Variants in GHR observed in about 807,000 individuals in gnomAD.
GHR encodes the protein GH receptor.
In GHR, 35 loss-of-function variants were observed where a neutral mutation model predicts 67.1. The ratio of observed to expected loss-of-function variants is 0.52; its 90% CI spans 0.40 to 0.69. The LOEUF (loss-of-function observed/expected upper bound fraction) is 0.69. Among genes scored for constraint, GHR ranks in the 30% least tolerant of loss-of-function variants. The probability of loss-of-function intolerance (pLI) is 0.00; values close to 1 mark genes in which losing one functional copy is unlikely to be tolerated. For synonymous variants in GHR, 272 were observed against 269.1 expected (o/e 1.01, Z -0.10); for missense variants, 792 against 764.6 (o/e 1.04, Z -0.42).
At chr5:42,462,510 G>A (rs1056717890) in intron 1 of GHR, among the ~76,000 whole-genome samples, 1 of 152,154 alleles carries the variant, frequency 6.6e-6, no homozygotes, top group African/African-American at 2.4e-5. Flanking sequence ...GTCATAATAT[G>A]TAAATGAACT....
At chr5:42,663,179 G>A (rs1755747591) in intron 3 of GHR, among the ~76,000 whole-genome samples, 1 of 152,158 alleles carries the variant, frequency 6.6e-6, no homozygotes. Flanking sequence ...GGAGGAACTG[G>A]TACCATTCCT....
intron 3 of GHR, among the ~76,000 whole-genome samples, chr5:42,676,085 G>A (rs146463094): frequency 1.3e-5 from 2 of 152,176 alleles, no homozygotes; most frequent in Non-Finnish European, 2.9e-5. Context: ...AGGAGATCGA[G>A]ACCCTCCTGG....
chr5:42,467,008 C>T, intron 1 of GHR: 2 of 1,561,432 alleles, frequency 1.3e-6, no homozygotes, highest in East Asian at 2.3e-5. Flanking sequence ...CACCGTGAGG[C>T]TCAACCTCTG....
intron 1 of GHR, among the ~76,000 whole-genome samples, chr5:42,452,513 T>C (rs148098850): frequency 6.6e-6 from 1 of 152,224 alleles, no homozygotes; most frequent in Non-Finnish European, 1.5e-5. Context: ...TAGATTTCAC[T>C]TCTTCCTCAG....
At chr5:42,621,865 G>T (rs182912641) in intron 2 of GHR, among the ~76,000 whole-genome samples, 1 of 152,314 alleles carries the variant, frequency 6.6e-6, no homozygotes, top group Non-Finnish European at 1.5e-5. Context: ...TGGAGATGTG[G>T]GGAGGTAATA....
At chr5:42,565,970 C>T (rs749321748) in intron 2 of GHR, 26 bp downstream of exon 2, 1 of 1,613,526 alleles carries the variant, frequency 6.2e-7, no homozygotes, top group South Asian at 1.1e-5. Flanking sequence ...CCATTTCCAC[C>T]CTCAGTGTTT....
intron 1 of GHR, among the ~76,000 whole-genome samples, chr5:42,555,690 C>A (rs1434951173): frequency 1.3e-5 from 2 of 152,116 alleles, no homozygotes; most frequent in Non-Finnish European, 2.9e-5. Flanking sequence ...AGGTACCTGG[C>A]ACACTTATTT....
chr5:42,513,773 A>C (rs1342385151), intron 1 of GHR, among the ~76,000 whole-genome samples: 3 of 150,968 alleles, frequency 2.0e-5, no homozygotes. Flanking sequence ...CAAAAGCAAA[A>C]CTCCGTCTCA....
At chr5:42,656,602 C>T (rs1025612789) in intron 3 of GHR, among the ~76,000 whole-genome samples, 8 of 152,198 alleles carry the variant, frequency 5.3e-5, no homozygotes, top group Admixed American at 1.3e-4. Flanking sequence ...CCCTACCTGG[C>T]GAGGAATCAG....
chr5:42,679,052 G>T (rs1477953277), intron 3 of GHR, among the ~76,000 whole-genome samples: 1 of 143,244 alleles, frequency 7.0e-6, no homozygotes, highest in Admixed American at 7.1e-5. Context: ...TTAACAATAT[G>T]TAAACAATAT....
chr5:42,592,645 T>G (rs1751846840), intron 2 of GHR, among the ~76,000 whole-genome samples: 1 of 152,232 alleles, frequency 6.6e-6, no homozygotes, highest in African/African-American at 2.4e-5. Flanking sequence ...TATCACATTT[T>G]CTTTATCCAG....
chr5:42,537,458 G>T (rs1489536286), intron 1 of GHR, among the ~76,000 whole-genome samples: 5 of 152,110 alleles, frequency 3.3e-5, no homozygotes, highest in Admixed American at 3.3e-4. Flanking sequence ...CTATGTATTT[G>T]CATGGTTTTG....
At chr5:42,659,863 G>A (rs923881987) in intron 3 of GHR, among the ~76,000 whole-genome samples, 2 of 152,122 alleles carry the variant, frequency 1.3e-5, no homozygotes, top group Non-Finnish European at 2.9e-5. Context: ...GTCAAAGAAA[G>A]GGGTGACAGA....
At chr5:42,453,757 G>A (rs889248131) in intron 1 of GHR, among the ~76,000 whole-genome samples, 2 of 152,182 alleles carry the variant, frequency 1.3e-5, no homozygotes, top group Non-Finnish European at 2.9e-5. Flanking sequence ...GTGTATCCAT[G>A]TGTGTTCCTG....
At chr5:42,618,663 A>G (rs58233460) in intron 2 of GHR, among the ~76,000 whole-genome samples, 4,220 of 152,274 alleles carry the variant, frequency 0.028, 156 homozygotes, top group African/African-American at 0.084. Flanking sequence ...TTCACAGGCA[A>G]TCGTAATCAG....
chr5:42,699,811 T>A lies in GHR; in HGVS notation c.440-13T>A. 1 of 1,583,278 alleles carries A rather than the reference T, an allele frequency of 6.3e-7. No individual in the cohort carries two copies. The highest frequency in any genetic ancestry group is 1.7e-5 in the Admixed American group (1 of 59,918). ...TGTCTGTCTGTGTACTAATGCTCTG[T>A]TGAATTGCACAGTGCAACCAGATCC... On this transcript the variant is annotated splice_polypyrimidine_tract_variant and intron_variant, in intron 5 of 9. Coordinates refer to ENST00000230882, the MANE Select transcript of GHR (RefSeq NM_000163.5).
At chr5:42,511,305 C>T (rs1014033356) in intron 1 of GHR, among the ~76,000 whole-genome samples, 1 of 152,200 alleles carries the variant, frequency 6.6e-6, no homozygotes, top group Admixed American at 6.5e-5. Flanking sequence ...ACCCCAACAA[C>T]GTTCTCTACT....
chr5:42,698,410 A>G (rs1045139487), intron 5 of GHR, among the ~76,000 whole-genome samples: 1 of 152,234 alleles, frequency 6.6e-6, no homozygotes, highest in Non-Finnish European at 1.5e-5. Context: ...AGCTTTGATT[A>G]TCAGGATTCC....
intron 2 of GHR, among the ~76,000 whole-genome samples, chr5:42,589,410 C>T (rs1751661629): frequency 6.6e-6 from 1 of 152,158 alleles, no homozygotes; most frequent in South Asian, 2.1e-4. Flanking sequence ...CCAGTCTTTG[C>T]CCAAGAAGAA....
Sources: gnomAD v4.1 joint callset for allele counts (sites outside exome capture counted in the v4.1 genomes callset) on GRCh38, gnomAD v4.1.1 for gene constraint, MANE v1.5 for transcripts, NCBI Gene and HGNC (gene_info 2026-07-23, HGNC 2026-07-21) for gene names.